The following CNOT4 variants were observed in gnomAD, a reference collection of about 807,000 sequenced individuals.
CNOT4 encodes the protein CCR4-NOT transcription complex subunit 4.
CNOT4 carries 8 observed loss-of-function variants against 73.8 expected under a neutral mutation model. The ratio of observed to expected loss-of-function variants is 0.11; its 90% CI spans 0.06 to 0.20. The LOEUF (loss-of-function observed/expected upper bound fraction) is 0.20, where lower values mean the gene tolerates loss of function less well. Ranked by LOEUF, CNOT4 falls within the 10% of genes least tolerant of loss-of-function variation. CNOT4 has a pLI of 1.00. For missense variants in CNOT4, 564 were observed against 883.4 expected (o/e 0.64, Z 4.58); for synonymous variants, 293 against 321.1 (o/e 0.91, Z 0.94).
chr7:135,368,897 T>G (rs1038197567), intron 10 of CNOT4, among the ~76,000 whole-genome samples: 1 of 152,338 alleles, frequency 6.6e-6, no homozygotes, highest in East Asian at 1.9e-4. Context: ...CTAGTGGGTA[T>G]CTTTCTGTTC....
chr7:135,380,146 C>A (rs1279016557), intron 10 of CNOT4, among the ~76,000 whole-genome samples: 1 of 151,818 alleles, frequency 6.6e-6, no homozygotes, highest in Non-Finnish European at 1.5e-5. Context: ...AACAAAAAAA[C>A]CCAGCAGATA....
chr7:135,491,287 A>ATCT (rs1803092961), intron 1 of CNOT4, among the ~76,000 whole-genome samples: 1 of 152,212 alleles, frequency 6.6e-6, no homozygotes, highest in African/African-American at 2.4e-5. Context: ...AGAGATTGCT[A>ATCT]AGGGAATGAG....
intron 2 of CNOT4, among the ~76,000 whole-genome samples, chr7:135,437,097 C>T (rs888889362): frequency 2.0e-5 from 3 of 152,222 alleles, no homozygotes; most frequent in Non-Finnish European, 2.9e-5. Flanking sequence ...ATTCACTATA[C>T]TGTAATTGTG....
intron 1 of CNOT4, chr7:135,509,285 A>G (rs1039126690): frequency 6.6e-6 from 1 of 152,324 alleles, no homozygotes; most frequent in African/African-American, 2.4e-5. Flanking sequence ...GGAAGGAAAG[A>G]CTGCAAATCG....
In CNOT4 at chr7:135,439,591, C is replaced by A. The variant is rs184664531; in HGVS notation, c.-92-1168G>T. Among the ~76,000 whole-genome samples, 11 of 152,236 alleles carry A rather than the reference C, an allele frequency of 7.2e-5. No homozygotes were observed. The East Asian group carries it at 1.9e-3, about 27-fold the overall frequency. On this transcript the variant is annotated intron_variant, in intron 1 of 11. Coordinates refer to ENST00000541284, the MANE Select transcript of CNOT4 (RefSeq NM_001190850.2). Reference sequence around the variant, plus strand: ...TCCAGCCAGGAGTTCAAGACCAGCACAACATAGCAAAGCCCTCATGTCTAT... The same window carrying A: ...TCCAGCCAGGAGTTCAAGACCAGCAAAACATAGCAAAGCCCTCATGTCTAT...
chr7:135,416,389 T>C (rs902240233), intron 3 of CNOT4, among the ~76,000 whole-genome samples: 5 of 152,292 alleles, frequency 3.3e-5, no homozygotes, highest in Admixed American at 3.3e-4. Flanking sequence ...AAGTATAAGG[T>C]AACTGTTATG....
chr7:135,380,119 T>A (rs915248739), intron 10 of CNOT4, among the ~76,000 whole-genome samples: 1 of 151,702 alleles, frequency 6.6e-6, no homozygotes, highest in Non-Finnish European at 1.5e-5. Flanking sequence ...ACTTCCTTGA[T>A]TGGGGAAAAA....
Position 135,363,112 on chromosome 7 carries a change from G to C in CNOT4, c.1915C>G (p.Gln639Glu). ...DNPPHWLKSL[Q>E]ALTEMDGPSA... ...GGGCCGTCCATCTCTGTGAGGGCCT[G>C]AAGGGATTTTAGCCAGTGTGGAGGA... is the stretch of plus-strand genomic sequence containing the variant. The change falls in exon 12 of 12, where the codon CAG becomes GAG. Residue 639 changes from glutamine to glutamate, a missense_variant. By Grantham distance (29) the Gln-to-Glu change is conservative. Around this residue, in one of 10 missense-constraint regions of CNOT4, gnomAD observed 3 missense variants for 16.8 expected, o/e 0.18. Transcript: ENST00000541284. This position sits in a 1 kb window ranked among gnomAD's most constrained non-coding sequence, Gnocchi z 4.3. The C allele has an allele frequency of 6.2e-7, 1 of 1,614,028 alleles. No individual in the cohort carries two copies. Among genetic ancestry groups the C allele is most frequent in the Non-Finnish European group, 8.5e-7 (1 of 1,179,988 alleles).
chr7:135,380,877 A>G (rs1447987815), intron 10 of CNOT4, among the ~76,000 whole-genome samples: 1 of 152,206 alleles, frequency 6.6e-6, no homozygotes, highest in African/African-American at 2.4e-5. Context: ...ATTTATTCAT[A>G]GCTCTGAAGT....
In CNOT4 at chr7:135,444,389, C is replaced by A. The variant is rs764446315; in HGVS notation, c.-92-5966G>T. On this transcript the variant is annotated intron_variant, in intron 1 of 11. Coordinates refer to ENST00000541284, the MANE Select transcript of CNOT4 (RefSeq NM_001190850.2). Reference sequence around the variant, plus strand: ...CCAAGTGTCCATCAATGGAGGCATACACAAAATGTGGTATATCCATACCAT... The same window carrying A: ...CCAAGTGTCCATCAATGGAGGCATAAACAAAATGTGGTATATCCATACCAT... 4.3e-6 allele frequency: 3 copies of A among 702,410 alleles called. No homozygotes were observed. The Admixed American group carries it at 6.0e-5, about 14-fold the overall frequency. The allele number at this position is 702,410 out of a possible 1,614,324, so 43.5% of individuals were successfully genotyped here.
rs61487024 is a variant in CNOT4 at position 135,479,198 on chromosome 7, ATTTTTTTTTTTTTT to A, written c.-93+30677_-93+30690del. 1.9e-3 allele frequency among the ~76,000 whole-genome samples: 169 copies of A among 89,874 alleles called. 4 individuals carry two copies. The East Asian group carries it at 0.046, about 24-fold the overall frequency. 59.0% of individuals were successfully genotyped at this position (89,874 alleles called of 152,430 possible). On this transcript the variant is annotated intron_variant, in intron 1 of 11. Transcript: ENST00000541284. Reference sequence around the variant, plus strand: ...TCTCACCAAAGCCTATTAGAACCAAATTTTTTTTTTTTTTTTTTTTTTTTTTTTTGAGATGGAGT... The same window carrying A: ...TCTCACCAAAGCCTATTAGAACCAAATTTTTTTTTTTTTTTGAGATGGAGT...
At chr7:135,411,735 C>A (rs989480459) in intron 6 of CNOT4, among the ~76,000 whole-genome samples, 1 of 151,820 alleles carries the variant, frequency 6.6e-6, no homozygotes, top group Non-Finnish European at 1.5e-5. Flanking sequence ...TACAACAAAA[C>A]CAAAACGGAA....
intron 2 of CNOT4, among the ~76,000 whole-genome samples, chr7:135,430,876 C>T (rs948666691): frequency 6.6e-6 from 1 of 152,132 alleles, no homozygotes; most frequent in Admixed American, 6.5e-5. Context: ...TGCCTTCCTG[C>T]TAAGATTGGG....
intron 10 of CNOT4, among the ~76,000 whole-genome samples, chr7:135,374,169 T>C (rs556076913): frequency 5.3e-5 from 8 of 152,310 alleles, no homozygotes; most frequent in African/African-American, 9.6e-5. Flanking sequence ...CCCCTTCTGC[T>C]GCCCATCTAA....
chr7:135,452,380 G>A (rs1040563764), intron 1 of CNOT4, among the ~76,000 whole-genome samples: 1 of 152,192 alleles, frequency 6.6e-6, no homozygotes, highest in African/African-American at 2.4e-5. Flanking sequence ...GACCAGCCTG[G>A]CCAACATGGC....
At position 135,509,926 on chromosome 7, in the gene CNOT4, A is replaced by T. The variant is rs17168447; in HGVS notation, c.-130T>A. 1,082 of 398,312 alleles carry T rather than the reference A, an allele frequency of 2.7e-3. 13 individuals carry two copies. The highest frequency in any genetic ancestry group is 0.02 in the African/African-American group (967 of 48,702). 24.7% of individuals were successfully genotyped at this position (398,312 alleles called of 1,614,324 possible). A position where few individuals can be genotyped will look rare whatever the true frequency, so the allele number is the denominator to read the frequency against. ...CCTCGCTTTTCCCTCAGCCGACTCC[A>T]CGGGCTGCCGCGTCCTCACAAGAAA... On this transcript the variant is annotated 5_prime_UTR_variant, in exon 1 of 12. Transcript: ENST00000541284.
In CNOT4 at chr7:135,363,838, G is replaced by A. The variant is rs1264516271; in HGVS notation, c.1840+16C>T. 1 of 1,576,606 alleles carries A rather than the reference G, an allele frequency of 6.3e-7. No individual in the cohort carries two copies. The highest frequency in any genetic ancestry group is 2.2e-5 in the East Asian group (1 of 44,506). On this transcript the variant is annotated intron_variant, in intron 11 of 11. Coordinates refer to ENST00000541284, the MANE Select transcript of CNOT4 (RefSeq NM_001190850.2). This position sits in a 1 kb window ranked among gnomAD's most constrained non-coding sequence, Gnocchi z 4.3. ...CTGTTGGCAGTCAGTGTAGCTGAAG[G>A]GAGTGAGAAAGTTACCTGTGATGAT...
chr7:135,397,045 T>C (rs779983617), intron 8 of CNOT4, among the ~76,000 whole-genome samples: 7 of 152,144 alleles, frequency 4.6e-5, no homozygotes, highest in Non-Finnish European at 7.4e-5. Context: ...AAGACAAAAA[T>C]TGGCATTTGA....
chr7:135,376,059 C>T (rs770182482), intron 10 of CNOT4, among the ~76,000 whole-genome samples: 5 of 151,232 alleles, frequency 3.3e-5, no homozygotes, highest in Non-Finnish European at 5.9e-5. Flanking sequence ...AAATTAATCA[C>T]ATAGTCAGTG....
Sources: allele counts gnomAD v4.1 joint callset (sites outside exome capture counted in the v4.1 genomes callset), GRCh38; gene constraint gnomAD v4.1.1; regional missense constraint gnomAD v4.1.1; non-coding constraint Gnocchi (gnomAD v3.1); transcripts MANE v1.5; gene names NCBI Gene and HGNC (gene_info 2026-07-23, HGNC 2026-07-21).